MBD5: variants seen among roughly 807,000 people sequenced by gnomAD.
The protein encoded by MBD5 is methyl-CpG-binding domain protein 5.
In MBD5, 13 loss-of-function variants were observed where a neutral mutation model predicts 117.3. That is an observed-to-expected ratio of 0.11 (90% CI 0.07 to 0.18). MBD5 has a LOEUF of 0.18. MBD5 is among the 10% of genes least tolerant of loss of function. MBD5 has a pLI of 1.00. For synonymous variants in MBD5, 727 were observed against 766.4 expected (o/e 0.95, Z 0.85); for missense variants, 1,879 against 2,093.8 (o/e 0.90, Z 2.00).
chr2:148,239,834 A>T (rs1380085956), intron 3 of MBD5, among the ~76,000 whole-genome samples: 1 of 152,200 alleles, frequency 6.6e-6, no homozygotes, highest in African/African-American at 2.4e-5. Flanking sequence ...AATAACTAGG[A>T]CCACAGCTGC....
At chr2:148,160,271 G>A (rs1470855342) in intron 1 of MBD5, among the ~76,000 whole-genome samples, 1 of 152,134 alleles carries the variant, frequency 6.6e-6, no homozygotes, top group Non-Finnish European at 1.5e-5. Context: ...GGTGGCGGGT[G>A]CCTGTAATTC....
At chr2:148,174,019 CACA>C (rs1698324763) in intron 1 of MBD5, among the ~76,000 whole-genome samples, 1 of 152,086 alleles carries the variant, frequency 6.6e-6, no homozygotes, top group Admixed American at 6.5e-5. Context: ...CTGGAGGCAT[CACA>C]CTACCTGAAT....
chr2:148,187,899 A>T (rs111482648), intron 2 of MBD5, among the ~76,000 whole-genome samples: 10 of 152,372 alleles, frequency 6.6e-5, no homozygotes, highest in African/African-American at 2.2e-4. Flanking sequence ...TTGTTTATAT[A>T]TTTAAAAAGA....
intron 11 of MBD5, among the ~76,000 whole-genome samples, chr2:148,501,422 G>A (rs529310950): frequency 1.3e-4 from 20 of 152,284 alleles, no homozygotes; most frequent in African/African-American, 4.8e-4. Flanking sequence ...AAAGTGGCTG[G>A]CTTTTGCCCC....
intron 4 of MBD5, among the ~76,000 whole-genome samples, chr2:148,451,638 T>C (rs906064013): frequency 2.6e-5 from 4 of 152,192 alleles, no homozygotes; most frequent in African/African-American, 9.6e-5. Flanking sequence ...CACTCAGACT[T>C]CCCTCTCCAC....
chr2:148,212,826 A>AT (rs1350524950), intron 2 of MBD5, among the ~76,000 whole-genome samples: 1 of 152,102 alleles, frequency 6.6e-6, no homozygotes, highest in Non-Finnish European at 1.5e-5. Flanking sequence ...TCTTCTCTTT[A>AT]TATCTCTAAA....
chr2:148,196,277 T>C (rs1056310868), intron 2 of MBD5: 1 of 152,228 alleles, frequency 6.6e-6, no homozygotes, highest in African/African-American at 2.4e-5. Context: ...GTTTTAAATT[T>C]CCATGGATGT....
rs373689744 is a variant in MBD5, at chr2:148,205,274, GA to G, written c.-831+26482del. ...TTTTTATTTTTTTGTATTTTTAGTA[GA>G]GACGGGGTTTTACCATGTTGGCCAT... On this transcript the variant is annotated intron_variant, in intron 2 of 13. Transcript: ENST00000642680. Among the ~76,000 whole-genome samples the G allele has an allele frequency of 1.7e-3, 263 of 152,112 alleles. 6 individuals are homozygous for G. The South Asian group carries it at 0.053, about 31-fold the overall frequency.
intron 5 of MBD5, among the ~76,000 whole-genome samples, chr2:148,459,580 C>A (rs1424252800): frequency 6.6e-6 from 1 of 152,086 alleles, no homozygotes. Flanking sequence ...AAGAAGATAC[C>A]ATAAATCTTT....
At chr2:148,151,274 G>T (rs1697654792) in intron 1 of MBD5, among the ~76,000 whole-genome samples, 1 of 151,874 alleles carries the variant, frequency 6.6e-6, no homozygotes, top group African/African-American at 2.4e-5. Flanking sequence ...AACCAGCCTT[G>T]CATCCCAGGG....
chr2:148,063,138 A>G (rs896682622), intron 1 of MBD5, among the ~76,000 whole-genome samples: 53 of 152,296 alleles, frequency 3.5e-4, no homozygotes, highest in African/African-American at 9.6e-4. Context: ...ATGTTTTTCA[A>G]TAAAGTTGAG....
chr2:148,426,339 G>A (rs577748625), intron 4 of MBD5, among the ~76,000 whole-genome samples: 23 of 151,436 alleles, frequency 1.5e-4, no homozygotes, highest in South Asian at 1.0e-3. Flanking sequence ...AGCCCGCATC[G>A]CAAAGTCAAT....
chr2:148,224,288 G>A (rs568421435), intron 2 of MBD5, among the ~76,000 whole-genome samples: 11 of 152,146 alleles, frequency 7.2e-5, no homozygotes, highest in African/African-American at 2.4e-4. Flanking sequence ...CCATCTGGAC[G>A]ATATGTCTCT....
At position 148,116,900 on chromosome 2, in the gene MBD5, G is replaced by T. The variant is rs73009207; in HGVS notation, c.-924-61800G>T. Among the ~76,000 whole-genome samples, 393 of 152,304 alleles carry T rather than the reference G, an allele frequency of 2.6e-3. 1 individual carries two copies. Among genetic ancestry groups the T allele is most frequent in the African/African-American group, 8.9e-3 (369 of 41,576 alleles). On this transcript the variant is annotated intron_variant, in intron 1 of 13. Coordinates refer to ENST00000642680, the MANE Select transcript of MBD5 (RefSeq NM_001378120.1). ...TGATTGCAGGGGTTCCCTGGAAGGA[G>T]TGGGCTAGGGAACAATGGTTTTAAC...
At chr2:148,409,603 G>C (rs1705194377) in intron 4 of MBD5, among the ~76,000 whole-genome samples, 1 of 151,938 alleles carries the variant, frequency 6.6e-6, no homozygotes, top group Middle Eastern at 3.2e-3. Flanking sequence ...TGAACACCTA[G>C]ACATATATAT....
chr2:148,502,393 A>G (rs1237167009), intron 11 of MBD5, 43 bp from the exon 12 acceptor site: 1 of 1,576,162 alleles, frequency 6.3e-7, no homozygotes, highest in Non-Finnish European at 8.7e-7. Flanking sequence ...TTTAACAATT[A>G]CAGGTCTGGG....
chr2:148,340,837 T>C (rs201486609), intron 3 of MBD5, among the ~76,000 whole-genome samples: 39 of 142,440 alleles, frequency 2.7e-4, no homozygotes, highest in Middle Eastern at 3.3e-3. Context: ...AAACCACACA[T>C]ACACACACAC....
intron 3 of MBD5, among the ~76,000 whole-genome samples, chr2:148,262,162 A>G (rs1355437502): frequency 6.6e-6 from 1 of 152,082 alleles, no homozygotes; most frequent in African/African-American, 2.4e-5. Flanking sequence ...GTGGGAAAAA[A>G]TGGCACCCAT....
intron 4 of MBD5, among the ~76,000 whole-genome samples, chr2:148,434,916 T>C (rs1267761638): frequency 3.3e-5 from 5 of 152,180 alleles, no homozygotes; most frequent in Non-Finnish European, 7.3e-5. Flanking sequence ...ATCTGGGTGC[T>C]TGTTTTATGA....
Sources: allele counts gnomAD v4.1 joint callset (sites outside exome capture counted in the v4.1 genomes callset), GRCh38; gene constraint gnomAD v4.1.1; transcripts MANE v1.5; gene names NCBI Gene and HGNC (gene_info 2026-07-23, HGNC 2026-07-21).